The following PTPN14 variants were observed in gnomAD, a reference collection of about 807,000 sequenced individuals.
PTPN14 encodes the protein tyrosine-protein phosphatase non-receptor type 14.
In PTPN14, 53 loss-of-function variants were observed where a neutral mutation model predicts 126.8. The ratio of observed to expected loss-of-function variants is 0.42; its 90% CI spans 0.34 to 0.53. PTPN14 has a LOEUF of 0.53. PTPN14 is among the 20% of genes least tolerant of loss of function. The pLI, the probability that PTPN14 is intolerant of heterozygous loss-of-function variation, is 0.08. For missense variants in PTPN14, 1,257 were observed against 1,552.9 expected (o/e 0.81, Z 3.20); for synonymous variants, 630 against 599.3 (o/e 1.05, Z -0.75).
At chr1:214,399,060 C>T (rs1658956462) in intron 7 of PTPN14, among the ~76,000 whole-genome samples, 1 of 152,230 alleles carries the variant, frequency 6.6e-6, no homozygotes, top group African/African-American at 2.4e-5. Flanking sequence ...AGCCACCGTG[C>T]CCGGCCTAAA....
At chr1:214,526,917 C>A (rs530116668) in intron 1 of PTPN14, among the ~76,000 whole-genome samples, 4 of 152,170 alleles carry the variant, frequency 2.6e-5, no homozygotes, top group East Asian at 3.9e-4. Flanking sequence ...TATTGAGAAA[C>A]CCTGTCTCTA....
intron 6 of PTPN14, among the ~76,000 whole-genome samples, chr1:214,402,264 C>A (rs1441122841): frequency 6.6e-6 from 1 of 151,446 alleles, no homozygotes; most frequent in Admixed American, 6.6e-5. Context: ...ATGGTGAAAC[C>A]CCATCTCCAC....
At chr1:214,497,553 G>T (rs1654560085) in intron 1 of PTPN14, among the ~76,000 whole-genome samples, 1 of 152,066 alleles carries the variant, frequency 6.6e-6, no homozygotes. Flanking sequence ...CTATGAAAAA[G>T]GATGTCACTT....
intron 3 of PTPN14, among the ~76,000 whole-genome samples, chr1:214,423,799 G>A (rs1659596858): frequency 6.6e-6 from 1 of 151,910 alleles, no homozygotes; most frequent in Admixed American, 6.6e-5. Context: ...TGGCCAACAT[G>A]GTGAAACCAC....
At chr1:214,517,841 A>C (rs894192500) in intron 1 of PTPN14, among the ~76,000 whole-genome samples, 2 of 152,152 alleles carry the variant, frequency 1.3e-5, no homozygotes, top group Non-Finnish European at 2.9e-5. Flanking sequence ...GCTACTCTAG[A>C]GGCTAAGGTG....
chr1:214,530,337 C>CTTTTTTTTTTT (rs1219471589), intron 1 of PTPN14: 24 of 129,068 alleles, frequency 1.9e-4, no homozygotes, highest in African/African-American at 2.7e-4. Flanking sequence ...CTTTTCTTTT[C>CTTTTTTTTTTT]TTTTTTTTTT....
chr1:214,501,187 TA>T (rs1378589598), intron 1 of PTPN14, among the ~76,000 whole-genome samples: 1 of 152,216 alleles, frequency 6.6e-6, no homozygotes, highest in Non-Finnish European at 1.5e-5. Context: ...TGACTGTTAT[TA>T]AGCCATGTGA....
intron 5 of PTPN14, among the ~76,000 whole-genome samples, chr1:214,407,820 G>A (rs1191711413): frequency 5.3e-5 from 8 of 152,164 alleles, no homozygotes; most frequent in Non-Finnish European, 7.3e-5. Context: ...AAGATTCCCA[G>A]CTGACCAGCT....
At chr1:214,397,018 T>A (rs771317271) in intron 8 of PTPN14, among the ~76,000 whole-genome samples, 1 of 152,208 alleles carries the variant, frequency 6.6e-6, no homozygotes, top group Non-Finnish European at 1.5e-5. Context: ...GCTTCAATAA[T>A]GTCTCTATTC....
At chr1:214,441,427 A>C (rs923063979) in intron 3 of PTPN14, among the ~76,000 whole-genome samples, 3 of 152,288 alleles carry the variant, frequency 2.0e-5, no homozygotes, top group Admixed American at 1.3e-4. Context: ...AGACACTGTA[A>C]GTTTCTTTAA....
chr1:214,400,803 A>G (rs1329000621), intron 7 of PTPN14, among the ~76,000 whole-genome samples: 1 of 152,230 alleles, frequency 6.6e-6, no homozygotes, highest in Non-Finnish European at 1.5e-5. Flanking sequence ...AAAAAGAGCC[A>G]TTTAGCCCTT....
intron 1 of PTPN14, among the ~76,000 whole-genome samples, chr1:214,472,319 C>A (rs1303526167): frequency 2.0e-5 from 3 of 152,010 alleles, no homozygotes; most frequent in African/African-American, 7.2e-5. Flanking sequence ...TCTCTTGCCC[C>A]CTCCTCTCCT....
intron 2 of PTPN14, among the ~76,000 whole-genome samples, chr1:214,455,602 A>G (rs1195846363): frequency 6.6e-6 from 1 of 152,176 alleles, no homozygotes; most frequent in Middle Eastern, 3.2e-3. Flanking sequence ...AAGACAGAAG[A>G]GCCAGTCCTC....
chr1:214,475,563 A>G (rs1660849606), intron 1 of PTPN14, among the ~76,000 whole-genome samples: 1 of 152,072 alleles, frequency 6.6e-6, no homozygotes, highest in Non-Finnish European at 1.5e-5. Context: ...GCATTCTGCA[A>G]CTCTTCAATT....
intron 1 of PTPN14, among the ~76,000 whole-genome samples, chr1:214,520,065 A>AAAAAAAAAATAT: frequency 1.4e-5 from 1 of 71,112 alleles, no homozygotes; most frequent in African/African-American, 7.3e-5. Context: ...AAAAAAAAAA[A>AAAAAAAAAATAT]ATATATATAT....
intron 2 of PTPN14, among the ~76,000 whole-genome samples, chr1:214,456,107 CAATGGCACAGACT>C (rs1660376541): frequency 2.3e-5 from 3 of 132,400 alleles, no homozygotes; most frequent in Admixed American, 1.6e-4. Context: ...AGTTTTGTGA[CAATGGCACAGACT>C]AATGCTATTT....
chr1:214,495,809 C>T (rs1661351710), intron 1 of PTPN14, among the ~76,000 whole-genome samples: 1 of 152,122 alleles, frequency 6.6e-6, no homozygotes, highest in South Asian at 2.1e-4. Flanking sequence ...ATGCTCCTGC[C>T]TCAGCCTCCC....
At chr1:214,403,422 A>G (rs564250479) in intron 5 of PTPN14, among the ~76,000 whole-genome samples, 10 of 152,282 alleles carry the variant, frequency 6.6e-5, no homozygotes, top group African/African-American at 2.4e-4. Context: ...AAGGCAGAGT[A>G]GGCTCATTCT....
chr1:214,439,945 T>G (rs1660002970), intron 3 of PTPN14, among the ~76,000 whole-genome samples: 1 of 152,208 alleles, frequency 6.6e-6, no homozygotes, highest in African/African-American at 2.4e-5. Context: ...CCTCTACCCT[T>G]TGTTTCTTCT....
Sources: allele counts gnomAD v4.1 joint callset (sites outside exome capture counted in the v4.1 genomes callset), GRCh38; gene constraint gnomAD v4.1.1; transcripts MANE v1.5; gene names NCBI Gene and HGNC (gene_info 2026-07-23, HGNC 2026-07-21).